Variants in PCDHGA7 observed in about 807,000 individuals in gnomAD.
PCDHGA7 encodes the protein protocadherin gamma subfamily A, 7, also known as protocadherin gamma-A7.
PCDHGA7 carries 44 observed loss-of-function variants against 58.3 expected under a neutral mutation model. The ratio of observed to expected loss-of-function variants is 0.75; its 90% CI spans 0.59 to 0.97. The LOEUF is 0.97. PCDHGA7 is among the 50% of genes least tolerant of loss of function. The probability of loss-of-function intolerance (pLI) is 0.00; values close to 1 mark genes in which losing one functional copy is unlikely to be tolerated. For synonymous variants in PCDHGA7, 516 were observed against 504.2 expected (o/e 1.02, Z -0.31); for missense variants, 1,266 against 1,188.7 (o/e 1.06, Z -0.96).
Position 141,399,953 on chromosome 5 carries a change from A to G in PCDHGA7, c.2424+14630A>G, listed in dbSNP as rs1257117587. ...TCCTACCACGTGCTGCAGGCTAGCGAGCCCGGGCTCTTCAGCCTGGGGCTG... is the reference window on the plus strand; with the variant it reads ...TCCTACCACGTGCTGCAGGCTAGCGGGCCCGGGCTCTTCAGCCTGGGGCTG... On this transcript the variant is annotated intron_variant, in intron 1 of 3. Coordinates refer to ENST00000518325, the MANE Select transcript of PCDHGA7 (RefSeq NM_018920.4). The G allele has an allele frequency of 2.5e-5, 40 of 1,612,030 alleles. 1 individual carries two copies. Among genetic ancestry groups the G allele is most frequent in the Non-Finnish European group, 3.4e-5 (40 of 1,179,690 alleles).
intron 1 of PCDHGA7, chr5:141,423,189 T>A (rs2096719374): frequency 1.2e-6 from 2 of 1,613,562 alleles, no homozygotes; most frequent in Non-Finnish European, 8.5e-7. Flanking sequence ...GCCAGCCCCC[T>A]CTCTCGGCCA....
chr5:141,394,152 G>A lies in PCDHGA7; in HGVS notation c.2424+8829G>A, dbSNP rs141035845. 5.0e-3 allele frequency: 8,040 copies of A among 1,613,782 alleles called. 48 individuals are homozygous for A. Among genetic ancestry groups the A allele is most frequent in the Admixed American group, 9.4e-3 (566 of 59,984 alleles). On this transcript the variant is annotated intron_variant, in intron 1 of 3. Coordinates refer to ENST00000518325, the MANE Select transcript of PCDHGA7 (RefSeq NM_018920.4). ...CGCTCTGCACGTGGCAGACATTAAC[G>A]ACAACCCTCCTACTTTCCCTCATGC...
At chr5:141,494,976 G>A in intron 2 of PCDHGA7, 111 bp downstream of exon 2, 1 of 1,575,636 alleles carries the variant, frequency 6.3e-7, no homozygotes. Flanking sequence ...TTCTCCCTCA[G>A]TTTGAGATCC....
intron 1 of PCDHGA7, chr5:141,387,823 A>G: frequency 6.3e-7 from 1 of 1,581,002 alleles, no homozygotes; most frequent in South Asian, 1.2e-5. Context: ...AATCTGCAAT[A>G]CAGAGGTTAT....
intron 1 of PCDHGA7, among the ~76,000 whole-genome samples, chr5:141,459,563 C>CAAAACAGAATT (rs1554142058): frequency 5.3e-5 from 8 of 152,044 alleles, no homozygotes; most frequent in Non-Finnish European, 2.9e-5. Context: ...ATAAATACCC[C>CAAAACAGAATT]AAAACAGAAT....
At chr5:141,488,134 A>G (rs546928916) in intron 1 of PCDHGA7, among the ~76,000 whole-genome samples, 1 of 152,332 alleles carries the variant, frequency 6.6e-6, no homozygotes, top group African/African-American at 2.4e-5. Flanking sequence ...GAAAGAGGAG[A>G]GAACTAAAGG....
At chr5:141,421,435 A>G (rs775839500) in intron 1 of PCDHGA7, 3 of 1,614,108 alleles carry the variant, frequency 1.9e-6, no homozygotes, top group East Asian at 4.5e-5. Context: ...CATCGTCTCC[A>G]GAGGGAAGAC....
At position 141,489,083 on chromosome 5, in the gene PCDHGA7, T is replaced by G; in HGVS notation, c.2425-5724T>G. On this transcript the variant is annotated intron_variant, in intron 1 of 3. Coordinates refer to ENST00000518325, the MANE Select transcript of PCDHGA7 (RefSeq NM_018920.4). This position sits in a 1 kb window ranked among gnomAD's most constrained non-coding sequence, Gnocchi z 4.5. ...CCTCCCCCCTGCCCACCCCCGCCACTCGGTGACTAAGAACTGCTGCAAGCA... is the reference window on the plus strand; with the variant it reads ...CCTCCCCCCTGCCCACCCCCGCCACGCGGTGACTAAGAACTGCTGCAAGCA... The G allele has an allele frequency of 1.2e-5, 2 of 172,008 alleles. No individual in the cohort carries two copies. Among genetic ancestry groups the G allele is most frequent in the Non-Finnish European group, 2.1e-5 (2 of 94,012 alleles). The allele number at this position is 172,008 out of a possible 1,614,324, so 10.7% of individuals were successfully genotyped here. A position where few individuals can be genotyped will look rare whatever the true frequency, so the allele number is the denominator to read the frequency against.
At chr5:141,414,186 G>C in intron 1 of PCDHGA7, 1 of 1,609,824 alleles carries the variant, frequency 6.2e-7, no homozygotes, top group Non-Finnish European at 8.5e-7. Context: ...CTGCAAAAGT[G>C]TTGATTACAG....
At chr5:141,488,834 G>A (rs976460724) in intron 1 of PCDHGA7, among the ~76,000 whole-genome samples, 1 of 152,160 alleles carries the variant, frequency 6.6e-6, no homozygotes, top group Admixed American at 6.5e-5. Context: ...GCTGCCAAGG[G>A]GGCTGAATCA....
At chr5:141,433,246 T>C (rs775015156) in intron 1 of PCDHGA7, 1 of 1,462,358 alleles carries the variant, frequency 6.8e-7, no homozygotes, top group Non-Finnish European at 9.3e-7. Flanking sequence ...CAAGCTGGAA[T>C]GCAGCGGTAC....
chr5:141,486,987 G>C lies in PCDHGA7; in HGVS notation c.2425-7820G>C, dbSNP rs1327158531. ...GACTTGGATTCAGGTTACAATGCTTGGGTTTCCTATCAGCTCCTGGAGGCC... is the reference window on the plus strand; with the variant it reads ...GACTTGGATTCAGGTTACAATGCTTCGGTTTCCTATCAGCTCCTGGAGGCC... On this transcript the variant is annotated intron_variant, in intron 1 of 3. Transcript: ENST00000518325. The surrounding 1 kb of genome is among the most constrained non-coding windows in gnomAD (Gnocchi z 5.0). The C allele has an allele frequency of 6.2e-7, 1 of 1,614,144 alleles. No homozygotes were observed. Among genetic ancestry groups the C allele is most frequent in the Admixed American group, 1.7e-5 (1 of 60,020 alleles).
intron 1 of PCDHGA7, chr5:141,392,660 C>A: frequency 1.3e-6 from 1 of 797,246 alleles, no homozygotes; most frequent in Non-Finnish European, 1.9e-6. Flanking sequence ...GCAGATGCCA[C>A]AAACTAACTG....
intron 1 of PCDHGA7, chr5:141,404,106 C>G: frequency 1.2e-6 from 2 of 1,613,428 alleles, no homozygotes; most frequent in Non-Finnish European, 1.7e-6. Flanking sequence ...GTTGTCTGTT[C>G]TATCCAGGAG....
intron 1 of PCDHGA7, chr5:141,388,609 TCA>T: frequency 6.2e-7 from 1 of 1,613,926 alleles, no homozygotes; most frequent in Non-Finnish European, 8.5e-7. Flanking sequence ...GCTCCAGTGT[TCA>T]GTCAAGACGT....
chr5:141,426,451 C>T (rs561567196), intron 1 of PCDHGA7: 1 of 308,946 alleles, frequency 3.2e-6, no homozygotes, highest in Non-Finnish European at 6.4e-6. Flanking sequence ...GGACATGCGG[C>T]TGCATGTTCA....
At chr5:141,402,877 T>C in intron 1 of PCDHGA7, 3 of 1,469,748 alleles carry the variant, frequency 2.0e-6, no homozygotes, top group East Asian at 4.9e-5. Flanking sequence ...CACCATACTT[T>C]GCAGGGTGGA....
chr5:141,498,656 G>A (rs2154592341), intron 2 of PCDHGA7, among the ~76,000 whole-genome samples: 1 of 152,336 alleles, frequency 6.6e-6, no homozygotes, highest in Non-Finnish European at 1.5e-5. Context: ...ACCTGGCCAG[G>A]TGTGGTGGCT....
At chr5:141,394,101 C>A (rs753056702) in intron 1 of PCDHGA7, 7 of 1,613,944 alleles carry the variant, frequency 4.3e-6, no homozygotes, top group Middle Eastern at 1.6e-4. Flanking sequence ...TCTAGGAACA[C>A]CACCTCTGTC....
Sources: gnomAD v4.1 joint callset for allele counts (sites outside exome capture counted in the v4.1 genomes callset) on GRCh38, gnomAD v4.1.1 for gene constraint, Gnocchi (gnomAD v3.1) non-coding constraint, MANE v1.5 for transcripts, NCBI Gene and HGNC (gene_info 2026-07-23, HGNC 2026-07-21) for gene names.